Variants in AUTS2 observed in about 807,000 individuals in gnomAD.
The protein encoded by AUTS2 is activator of transcription and developmental regulator AUTS2.
In AUTS2, 17 loss-of-function variants were observed where a neutral mutation model predicts 112.4. The ratio of observed to expected loss-of-function variants is 0.15; its 90% CI spans 0.10 to 0.23. The LOEUF (loss-of-function observed/expected upper bound fraction) is 0.23, where lower values mean the gene tolerates loss of function less well. Ranked by LOEUF, AUTS2 falls within the 10% of genes least tolerant of loss-of-function variation. The pLI is 1.00. For missense variants in AUTS2, 1,510 were observed against 1,701.6 expected (o/e 0.89, Z 1.98); for synonymous variants, 751 against 702.7 (o/e 1.07, Z -1.09).
chr7:70,059,330 G>A (rs1802137393), intron 2 of AUTS2, among the ~76,000 whole-genome samples: 1 of 152,022 alleles, frequency 6.6e-6, no homozygotes, highest in Admixed American at 6.6e-5. Context: ...TCTTTTAATG[G>A]CTTAATAGCT....
At chr7:70,438,219 A>C (rs1194073045) in intron 5 of AUTS2, among the ~76,000 whole-genome samples, 1 of 152,146 alleles carries the variant, frequency 6.6e-6, no homozygotes, top group Non-Finnish European at 1.5e-5. Flanking sequence ...CTCTAAGTGC[A>C]AGAAGTAAAG....
chr7:69,743,371 A>G (rs565477573), intron 1 of AUTS2, among the ~76,000 whole-genome samples: 1 of 152,350 alleles, frequency 6.6e-6, no homozygotes, highest in African/African-American at 2.4e-5. Context: ...GACTTTCAGA[A>G]TAAAAAATAC....
chr7:70,474,166 G>A (rs1476457804), intron 5 of AUTS2, among the ~76,000 whole-genome samples: 1 of 152,224 alleles, frequency 6.6e-6, no homozygotes, highest in Non-Finnish European at 1.5e-5. Flanking sequence ...CAGAGAACAG[G>A]TTGGAGCATT....
intron 1 of AUTS2, among the ~76,000 whole-genome samples, chr7:69,881,393 G>A (rs775404924): frequency 1.3e-5 from 2 of 151,702 alleles, no homozygotes; most frequent in African/African-American, 2.4e-5. Flanking sequence ...TAATGGTTAG[G>A]CTCTGGCAGG....
chr7:70,403,350 G>C lies in AUTS2; in HGVS notation c.661-32402G>C, dbSNP rs1311503691. Among the ~76,000 whole-genome samples, 8 of 152,366 alleles carry C rather than the reference G, an allele frequency of 5.3e-5. No individual in the cohort carries two copies. The South Asian group carries it at 1.7e-3, about 32-fold the overall frequency. On this transcript the variant is annotated intron_variant, in intron 4 of 18. Transcript: ENST00000342771. ...TACTTGGAATTAAGTCAGGAGGCTT[G>C]GCCAGGGGCCCCCACCATTCCACAC... is the stretch of plus-strand genomic sequence containing the variant.
rs150757113 is a variant in AUTS2 at position 70,533,770 on chromosome 7, G to A, written c.690+97989G>A. ...TGCTCTCCTAGCTTAGGCTGGAGCT[G>A]GAATTCTCACAGCAACCAGCAGGGA... On this transcript the variant is annotated intron_variant, in intron 5 of 18. Coordinates refer to ENST00000342771, the MANE Select transcript of AUTS2 (RefSeq NM_015570.4). Among the ~76,000 whole-genome samples, 178 of 152,330 alleles carry A rather than the reference G, an allele frequency of 1.2e-3. 1 individual carries two copies. In the East Asian group the frequency reaches 0.013, roughly 11 times the overall value.
At chr7:69,899,116 T>G (rs1452999342) in intron 1 of AUTS2, among the ~76,000 whole-genome samples, 170 bp from the exon 2 acceptor site, 1 of 152,212 alleles carries the variant, frequency 6.6e-6, no homozygotes, top group Non-Finnish European at 1.5e-5. Context: ...CATTAAGGAT[T>G]CAGGAAAATT....
intron 5 of AUTS2, among the ~76,000 whole-genome samples, chr7:70,660,604 C>T (rs1807019968): frequency 6.6e-6 from 1 of 152,234 alleles, no homozygotes; most frequent in Non-Finnish European, 1.5e-5. Flanking sequence ...ACTACAGTTC[C>T]TTCCACCAGT....
intron 2 of AUTS2, among the ~76,000 whole-genome samples, chr7:70,064,405 G>C (rs895410458): frequency 9.2e-5 from 14 of 152,186 alleles, no homozygotes; most frequent in African/African-American, 3.4e-4. Context: ...ACTGGGAATA[G>C]AAGCAACACA....
At chr7:70,301,448 G>A (rs1789207260) in intron 4 of AUTS2, among the ~76,000 whole-genome samples, 1 of 151,954 alleles carries the variant, frequency 6.6e-6, no homozygotes, top group African/African-American at 2.4e-5. Flanking sequence ...CATAGTTTAG[G>A]AGTTTTTTGG....
chr7:70,314,411 G>A (rs1203415376), intron 4 of AUTS2, among the ~76,000 whole-genome samples: 2 of 152,236 alleles, frequency 1.3e-5, no homozygotes, highest in Admixed American at 1.3e-4. Flanking sequence ...CTTCGTCTGT[G>A]ACATGTGTGC....
chr7:69,807,001 C>T (rs975792624), intron 1 of AUTS2, among the ~76,000 whole-genome samples: 3 of 151,956 alleles, frequency 2.0e-5, no homozygotes, highest in African/African-American at 7.3e-5. Context: ...AAATTTTAAA[C>T]GTGTAGCAAG....
intron 4 of AUTS2, among the ~76,000 whole-genome samples, chr7:70,420,022 G>A (rs1795149948): frequency 6.6e-6 from 1 of 152,154 alleles, no homozygotes; most frequent in South Asian, 2.1e-4. Context: ...AGGAGTTGCA[G>A]GGGAGAGAAT....
intron 2 of AUTS2, among the ~76,000 whole-genome samples, chr7:70,081,669 GT>G (rs1368599403): frequency 6.6e-6 from 1 of 152,160 alleles, no homozygotes; most frequent in African/African-American, 2.4e-5. Flanking sequence ...GAGATTTTTG[GT>G]TAACAAGAAG....
At chr7:69,715,240 A>AG (rs1447431015) in intron 1 of AUTS2, among the ~76,000 whole-genome samples, 2 of 151,780 alleles carry the variant, frequency 1.3e-5, no homozygotes, top group Non-Finnish European at 2.9e-5. Context: ...AAAAAAAAAA[A>AG]AAAAAAGGAA....
At chr7:70,174,444 T>C (rs916221080) in intron 4 of AUTS2, among the ~76,000 whole-genome samples, 2 of 152,162 alleles carry the variant, frequency 1.3e-5, no homozygotes, top group Admixed American at 1.3e-4. Flanking sequence ...ACCCAGAAGA[T>C]CTAGCTAAGA....
intron 4 of AUTS2, among the ~76,000 whole-genome samples, chr7:70,414,651 G>T (rs992053144): frequency 6.6e-6 from 1 of 152,150 alleles, no homozygotes; most frequent in African/African-American, 2.4e-5. Context: ...CCTAGAAAGA[G>T]AGAATATGGC....
intron 2 of AUTS2, among the ~76,000 whole-genome samples, chr7:69,907,310 CT>C (rs1795186733): frequency 6.6e-6 from 1 of 152,142 alleles, no homozygotes; most frequent in South Asian, 2.1e-4. Context: ...TCCTTTCTTC[CT>C]TTAGCTCTTC....
chr7:69,891,268 A>T (rs965276327), intron 1 of AUTS2, among the ~76,000 whole-genome samples: 1 of 152,208 alleles, frequency 6.6e-6, no homozygotes, highest in South Asian at 2.1e-4. Flanking sequence ...TTCACTTGGC[A>T]TACTTATTTT....
Sources: allele counts gnomAD v4.1 joint callset (sites outside exome capture counted in the v4.1 genomes callset), GRCh38; gene constraint gnomAD v4.1.1; transcripts MANE v1.5; gene names NCBI Gene and HGNC (gene_info 2026-07-23, HGNC 2026-07-21).